TAF7L: variants seen among roughly 807,000 people sequenced by gnomAD.
TAF7L encodes the protein transcription initiation factor TFIID subunit 7-like.
In TAF7L, 6 loss-of-function variants were observed where a neutral mutation model predicts 30.2. That is an observed-to-expected ratio of 0.20 (90% CI 0.11 to 0.39). TAF7L has a LOEUF of 0.39. TAF7L is among the 10% of genes least tolerant of loss of function. The pLI, the probability that TAF7L is intolerant of heterozygous loss-of-function variation, is 1.00. For missense variants in TAF7L, 284 were observed against 277.1 expected, an observed-to-expected ratio of 1.03 and a Z score of -0.18; for synonymous variants, 93 against 94.5, an observed-to-expected ratio of 0.98 and a Z score of 0.09.
chrX:101,274,281 C>T (rs1453897345), intron 12 of TAF7L, among the ~76,000 whole-genome samples: 2 of 108,002 alleles, frequency 1.9e-5, no homozygotes, highest in East Asian at 2.9e-4. Flanking sequence ...GTGGTGTGAT[C>T]ATGGCTCACT....
intron 4 of TAF7L, 88 bp downstream of exon 4, chrX:101,283,362 G>C (rs1924480656): frequency 1.0e-6 from 1 of 1,003,005 alleles, no homozygotes; most frequent in Non-Finnish European, 1.4e-6. Context: ...CATTCACCAA[G>C]TGGAAAGGAG....
chrX:101,269,735 T>C (rs1923907729), intron 12 of TAF7L, among the ~76,000 whole-genome samples: 2 of 111,474 alleles, frequency 1.8e-5, no homozygotes, highest in African/African-American at 6.5e-5. Flanking sequence ...CATGATTCAA[T>C]TACCTCCCAC....
chrX:101,280,046 TAA>T (rs35674743), intron 6 of TAF7L, among the ~76,000 whole-genome samples: 4 of 87,479 alleles, frequency 4.6e-5, no homozygotes, highest in Admixed American at 1.3e-4. Context: ...TAAAAAGATG[TAA>T]AAAAAAAAAA....
chrX:101,276,885 T>C (rs1274517017), intron 9 of TAF7L, among the ~76,000 whole-genome samples: 2 of 109,257 alleles, frequency 1.8e-5, no homozygotes, highest in African/African-American at 6.7e-5. Context: ...ATCCCAGCAC[T>C]TTGGGAGGCC....
In TAF7L at chrX:101,277,692, G is replaced by A; in HGVS notation, c.605C>T (p.Thr202Ile). The A allele has an allele frequency of 5.8e-6, 7 of 1,202,943 alleles. No homozygotes were observed. The highest frequency in any genetic ancestry group is 7.8e-6 in the Non-Finnish European group (7 of 891,989). ...GGAGCCTTGACTTTCTATTTCCTTG[G>A]TTCCATCTTCAGCAATGACTTCCCA... ...TRWEVIAEDG[T>I]KEIESQGSIP... The change falls in exon 9 of 13, where the codon ACC becomes ATC. Residue 202 changes from threonine to isoleucine, a missense_variant. Physicochemically the swap from Thr to Ile is moderately conservative, Grantham distance 89. Coordinates refer to ENST00000356784, the MANE Select transcript of TAF7L (RefSeq NM_001168474.2).
At chrX:101,278,501 G>C in intron 7 of TAF7L, among the ~76,000 whole-genome samples, 1 of 112,022 alleles carries the variant, frequency 8.9e-6, no homozygotes. Flanking sequence ...TTGGTTTAAA[G>C]ATCCAAATTC....
Position 101,283,512 on chromosome X carries a change from C to T in TAF7L, c.217G>A (p.Val73Ile), listed in dbSNP as rs770510805. The change falls in exon 4 of 13, where the codon GTT becomes ATT. Residue 73 changes from valine to isoleucine, a missense_variant. Val to Ile is a conservative substitution (Grantham distance 29, BLOSUM62 3). Transcript: ENST00000356784. ...TCAAGCGTTCTCAGGCTTTCAATAA[C>T]ACAAGGCAAGTCAACCAGCTTAGCA... ...LAAKLVDLPC[V>I]IESLRTLDKK... 1.3e-5 allele frequency: 16 copies of T among 1,210,187 alleles called. No individual in the cohort carries two copies. Among genetic ancestry groups the T allele is most frequent in the Admixed American group, 4.4e-5 (2 of 45,790 alleles).
At chrX:101,288,052 A>C (rs1271610943) in intron 1 of TAF7L, among the ~76,000 whole-genome samples, 1 of 111,651 alleles carries the variant, frequency 9.0e-6, no homozygotes, top group Non-Finnish European at 1.9e-5. Flanking sequence ...GTAGAAATTA[A>C]GCAGTCCATG....
At chrX:101,274,116 CACTT>C (rs1370849942) in intron 12 of TAF7L, among the ~76,000 whole-genome samples, 2 of 112,319 alleles carry the variant, frequency 1.8e-5, no homozygotes, top group Non-Finnish European at 3.8e-5. Context: ...AGTAAGTCCT[CACTT>C]AATGTCATCA....
intron 12 of TAF7L, among the ~76,000 whole-genome samples, chrX:101,274,215 A>G (rs1204762097): frequency 2.9e-5 from 3 of 103,028 alleles, no homozygotes; most frequent in Admixed American, 1.1e-4. Flanking sequence ...TCATTTCATT[A>G]TAATTTTTTT....
At chrX:101,290,851 C>G (rs1334907671) in intron 1 of TAF7L, among the ~76,000 whole-genome samples, 2 of 111,619 alleles carry the variant, frequency 1.8e-5, no homozygotes, top group Non-Finnish European at 3.8e-5. Flanking sequence ...CTAGTTCCAT[C>G]TCGCTTTAGC....
Position 101,276,528 on chromosome X carries a change from TCTA to T in TAF7L, c.692-3_692-1del. The T allele has an allele frequency of 5.8e-6, 7 of 1,210,344 alleles. No individual in the cohort carries two copies. Among genetic ancestry groups the T allele is most frequent in the South Asian group, 1.8e-5 (1 of 56,836 alleles). On this transcript the variant is annotated splice_acceptor_variant and splice_polypyrimidine_tract_variant and intron_variant, in intron 9 of 12. Transcript: ENST00000356784. LOFTEE classifies it high-confidence loss of function. ...GAACATCTCCCGAAGCATATCATAT[TCTA>T]CTAGTTTTAAGCAAGAAGAAGGTGA...
chrX:101,268,947 A>G lies in TAF7L; in HGVS notation c.*246T>C, dbSNP rs1923879146. ...AGACCCCATTTCTAAATTAATAATA[A>G]TAATTCCCAAATTGACAAAGAGAAA... On this transcript the variant is annotated 3_prime_UTR_variant, in exon 13 of 13. Transcript: ENST00000356784. The G allele has an allele frequency of 3.5e-6, 1 of 283,951 alleles. No homozygotes were observed. The highest frequency in any genetic ancestry group is 5.3e-5 in the East Asian group (1 of 18,871). 23.4% of individuals were successfully genotyped at this position (283,951 alleles called of 1,213,427 possible).
At chrX:101,289,904 A>G (rs1471854150) in intron 1 of TAF7L, among the ~76,000 whole-genome samples, 1 of 109,724 alleles carries the variant, frequency 9.1e-6, no homozygotes, top group Non-Finnish European at 1.9e-5. Flanking sequence ...CACACTTCTG[A>G]GGAAGATTTT....
chrX:101,280,242 A>C (rs762233528), intron 6 of TAF7L, among the ~76,000 whole-genome samples: 7 of 111,876 alleles, frequency 6.3e-5, no homozygotes, highest in Non-Finnish European at 1.3e-4. Flanking sequence ...ATATATTTGC[A>C]AACTACATAT....
At chrX:101,284,011 C>T (rs778013633) in intron 3 of TAF7L, among the ~76,000 whole-genome samples, 1 of 109,297 alleles carries the variant, frequency 9.1e-6, no homozygotes, top group East Asian at 2.9e-4. Flanking sequence ...GCTAATAAAT[C>T]TCAAGTTAAA....
chrX:101,273,898 G>GT (rs1924065314), intron 12 of TAF7L, among the ~76,000 whole-genome samples: 1 of 112,143 alleles, frequency 8.9e-6, no homozygotes, highest in South Asian at 3.7e-4. Flanking sequence ...CACCTCCTAG[G>GT]AGAGGTCTAT....
At chrX:101,292,246 A>AT (rs1241591158), upstream of TAF7L, among the ~76,000 whole-genome samples, 25 of 37,233 alleles carry the variant, frequency 6.7e-4, 1 homozygote, top group East Asian at 0.034. Context: ...CTCAAAAAAA[A>AT]AAAAATAAAT....
intron 1 of TAF7L, among the ~76,000 whole-genome samples, 179 bp downstream of exon 1, chrX:101,291,045 G>A (rs1351770996): frequency 2.7e-5 from 3 of 112,232 alleles, no homozygotes; most frequent in African/African-American, 9.7e-5. Context: ...TTGACCCCTA[G>A]GCTTTGATCC....
Sources: allele counts gnomAD v4.1 joint callset (sites outside exome capture counted in the v4.1 genomes callset), GRCh38; gene constraint gnomAD v4.1.1; transcripts MANE v1.5; gene names NCBI Gene and HGNC (gene_info 2026-07-23, HGNC 2026-07-21).